IL10RB: variants seen among roughly 807,000 people sequenced by gnomAD.
The protein encoded by IL10RB is interleukin-10 receptor subunit beta.
Under a neutral mutation model 38.7 loss-of-function variants are expected in IL10RB, and 30 were observed. The ratio of observed to expected loss-of-function variants is 0.78; its 90% confidence interval spans 0.58 to 1.05. The LOEUF (loss-of-function observed/expected upper bound fraction) is 1.05. Among genes scored for constraint, IL10RB ranks in the 50% least tolerant of loss-of-function variants. The pLI, the probability that IL10RB is intolerant of heterozygous loss-of-function variation, is 0.00. For missense variants in IL10RB, 328 were observed against 397.1 expected (o/e 0.83, Z 1.48); for synonymous variants, 142 against 145.9 (o/e 0.97, Z 0.19).
intron 1 of IL10RB, among the ~76,000 whole-genome samples, chr21:33,303,067 G>A (rs1057418160): frequency 1.3e-5 from 2 of 152,144 alleles, no homozygotes; most frequent in African/African-American, 4.8e-5. Flanking sequence ...CCTTCTTCAG[G>A]CACCTCAACT....
In IL10RB at chr21:33,283,259, C is replaced by A; in HGVS notation, c.646+18C>A. Reference sequence around the variant, plus strand: ...CCATGACGGTAAGCCCTGAGATGCACCTCCGCTAAGCATCCTAAACAGCTT... The same window carrying A: ...CCATGACGGTAAGCCCTGAGATGCAACTCCGCTAAGCATCCTAAACAGCTT... On this transcript the variant is annotated intron_variant, in intron 5 of 6. Transcript: ENST00000290200. The A allele has an allele frequency of 6.2e-7, 1 of 1,612,264 alleles. No homozygotes were observed. The highest frequency in any genetic ancestry group is 2.2e-5 in the East Asian group (1 of 44,876).
chr21:33,304,206 G>C (rs1490498292), intron 1 of IL10RB, among the ~76,000 whole-genome samples: 1 of 152,218 alleles, frequency 6.6e-6, no homozygotes. Flanking sequence ...GGCCAGGAAG[G>C]GGGCTGAAGA....
chr21:33,268,848 ATATAT>A (rs1989022314), intron 2 of IL10RB, among the ~76,000 whole-genome samples: 1 of 152,148 alleles, frequency 6.6e-6, no homozygotes, highest in Non-Finnish European at 1.5e-5. Context: ...GTCACAGTTG[ATATAT>A]TTTAAAAGAA....
intron 4 of IL10RB, among the ~76,000 whole-genome samples, chr21:33,282,364 C>T (rs1356310317): frequency 6.6e-6 from 1 of 151,976 alleles, no homozygotes; most frequent in East Asian, 1.9e-4. Flanking sequence ...AAAACCCCGT[C>T]TCTACAAAAA....
At chr21:33,280,962 A>AT (rs1989269959) in intron 4 of IL10RB, among the ~76,000 whole-genome samples, 2 of 152,222 alleles carry the variant, frequency 1.3e-5, no homozygotes. Flanking sequence ...AGACTAGGTA[A>AT]CTTATAAACA....
chr21:33,308,967 T>C (rs909935635), intron 1 of IL10RB: 3 of 152,202 alleles, frequency 2.0e-5, no homozygotes, highest in Non-Finnish European at 4.4e-5. Flanking sequence ...TGACTTTCTA[T>C]TTTTGCAGGA....
At chr21:33,284,018 G>A (rs189321902) in intron 5 of IL10RB, among the ~76,000 whole-genome samples, 163 of 152,302 alleles carry the variant, frequency 1.1e-3, no homozygotes, top group Admixed American at 2.8e-3. Context: ...CATGTCTGCC[G>A]GACGTGGTGG....
chr21:33,279,977 T>C (rs1290582563), intron 4 of IL10RB, 59 bp downstream of exon 4: 3 of 1,500,684 alleles, frequency 2.0e-6, no homozygotes, highest in Non-Finnish European at 2.8e-6. Context: ...TGCAGAATCT[T>C]GCAAGGTGGC....
intron 1 of IL10RB, among the ~76,000 whole-genome samples, chr21:33,303,876 G>T (rs1290191317): frequency 2.6e-5 from 4 of 152,212 alleles, no homozygotes; most frequent in African/African-American, 9.7e-5. Flanking sequence ...CCACTAAGGG[G>T]GTGAGGGGTT....
chr21:33,276,508 C>A, intron 2 of IL10RB, 88 bp from the exon 3 acceptor site: 2 of 1,029,812 alleles, frequency 1.9e-6, no homozygotes, highest in Non-Finnish European at 3.1e-6. Context: ...ACTCCCGCGC[C>A]GCCCCCCCCT....
In IL10RB at chr21:33,283,092, A is replaced by G; in HGVS notation, c.499-2A>G. On this transcript the variant is annotated splice_acceptor_variant, in intron 4 of 6. Transcript: ENST00000290200. LOFTEE classifies it high-confidence loss of function. ...TGTTCTTATTTTTGTCTCCATTACT[A>G]GTTTCAAATTACTCCCCAGTATGAC... The G allele has an allele frequency of 6.2e-7, 1 of 1,610,974 alleles. No individual in the cohort carries two copies. Among genetic ancestry groups the G allele is most frequent in the Non-Finnish European group, 8.5e-7 (1 of 1,177,396 alleles).
At chr21:33,295,816 G>A (rs1452030652) in intron 6 of IL10RB, among the ~76,000 whole-genome samples, 4 of 151,332 alleles carry the variant, frequency 2.6e-5, no homozygotes, top group Non-Finnish European at 5.9e-5. Context: ...AGGCCAAGGT[G>A]GGTGGATCAG....
Position 33,279,848 on chromosome 21 carries a change from G to A in IL10RB, c.428G>A (p.Trp143Ter), listed in dbSNP as rs758867325. 6.2e-7 allele frequency: 1 copy of A among 1,613,510 alleles called. No individual in the cohort carries two copies. The highest frequency in any genetic ancestry group is 2.2e-5 in the East Asian group (1 of 44,880). ...AAAATTGAGAATGAATACGAAACTTGGACTATGAAGAATGTGTATAACTCA... is the reference window on the plus strand; with the variant it reads ...AAAATTGAGAATGAATACGAAACTTAGACTATGAAGAATGTGTATAACTCA... ...APKIENEYET[W>*]TMKNVYNSWT... Residue 143 changes from tryptophan to a stop codon, truncating the protein, a stop_gained, in exon 4 of 7, where the codon TGG becomes TAG. Coordinates refer to ENST00000290200, the MANE Select transcript of IL10RB (RefSeq NM_000628.5). LOFTEE classifies it high-confidence loss of function.
At chr21:33,307,845 A>C (rs552444428) in intron 1 of IL10RB, among the ~76,000 whole-genome samples, 1 of 152,234 alleles carries the variant, frequency 6.6e-6, no homozygotes, top group African/African-American at 2.4e-5. Flanking sequence ...TTGTTCACAC[A>C]TTTGTCCTTG....
chr21:33,271,729 A>G (rs2123566354), intron 2 of IL10RB, among the ~76,000 whole-genome samples: 1 of 143,826 alleles, frequency 7.0e-6, no homozygotes, highest in Non-Finnish European at 1.6e-5. Context: ...CTCCATCTCA[A>G]AAAAAAAAAA....
At chr21:33,275,022 G>A (rs902598900) in intron 2 of IL10RB, among the ~76,000 whole-genome samples, 5 of 152,088 alleles carry the variant, frequency 3.3e-5, no homozygotes, top group Non-Finnish European at 7.4e-5. Flanking sequence ...CTAGATTTTA[G>A]CTAGATCTTC....
At chr21:33,291,939 G>A (rs1051297312) in intron 6 of IL10RB, among the ~76,000 whole-genome samples, 5 of 152,192 alleles carry the variant, frequency 3.3e-5, no homozygotes, top group African/African-American at 1.2e-4. Context: ...CACCACGGCT[G>A]CTGTGTTCAT....
chr21:33,306,378 G>A (rs1218697648), intron 1 of IL10RB, among the ~76,000 whole-genome samples: 1 of 152,104 alleles, frequency 6.6e-6, no homozygotes, highest in Non-Finnish European at 1.5e-5. Flanking sequence ...AGATTTGTAA[G>A]GTGTTCAAAC....
rs541498559 is a variant in IL10RB at position 33,293,918 on chromosome 21, G to T, written c.805-2266G>T. ...CAGGAAGAACAAAGAATGAGGGTGG[G>T]CCCTTTGCTTGGGTAAAAGGTGTTG... On this transcript the variant is annotated intron_variant, in intron 6 of 6. Coordinates refer to ENST00000290200, the MANE Select transcript of IL10RB (RefSeq NM_000628.5). 6.5e-6 allele frequency: 3 copies of T among 461,424 alleles called. No homozygotes were observed. The East Asian group carries it at 2.1e-4, about 32-fold the overall frequency. The allele number at this position is 461,424 out of a possible 1,614,324, so 28.6% of individuals were successfully genotyped here.
Sources: gnomAD v4.1 joint callset for allele counts (sites outside exome capture counted in the v4.1 genomes callset) on GRCh38, gnomAD v4.1.1 for gene constraint, MANE v1.5 for transcripts, NCBI Gene and HGNC (gene_info 2026-07-23, HGNC 2026-07-21) for gene names.